Variants in DOCK4 observed in about 807,000 individuals in gnomAD.
DOCK4 encodes dedicator of cytokinesis protein 4.
A neutral mutation model predicts 268.1 loss-of-function variants in DOCK4; 97 were observed. The ratio of observed to expected loss-of-function variants is 0.36; its 90% confidence interval spans 0.31 to 0.43. DOCK4 has a LOEUF of 0.43. Among genes scored for constraint, DOCK4 ranks in the 20% least tolerant of loss-of-function variants. The pLI is 1.00. For missense variants in DOCK4, 2,145 were observed against 2,455.7 expected (o/e 0.87, Z 2.67); for synonymous variants, 954 against 887.2 (o/e 1.08, Z -1.34).
chr7:111,855,810 A>G (rs1804954578), intron 23 of DOCK4, among the ~76,000 whole-genome samples: 1 of 152,132 alleles, frequency 6.6e-6, no homozygotes, highest in Non-Finnish European at 1.5e-5. Flanking sequence ...CAGGGACTCT[A>G]TTGGTTCAAT....
At chr7:112,204,023 C>A (rs939471543) in intron 1 of DOCK4, among the ~76,000 whole-genome samples, 1 of 152,174 alleles carries the variant, frequency 6.6e-6, no homozygotes. Context: ...CGTCCTTCAT[C>A]TCATTCAACC....
intron 11 of DOCK4, among the ~76,000 whole-genome samples, chr7:111,938,352 AGTGG>A (rs1334780014): frequency 1.3e-5 from 2 of 152,232 alleles, no homozygotes; most frequent in African/African-American, 4.8e-5. Flanking sequence ...TCCCATAGGC[AGTGG>A]GCCACTTGTG....
intron 4 of DOCK4, among the ~76,000 whole-genome samples, chr7:111,998,195 T>C (rs1046124618): frequency 2.6e-5 from 4 of 152,186 alleles, no homozygotes; most frequent in African/African-American, 9.6e-5. Flanking sequence ...TGCTCAAGCA[T>C]AGGCTGATTC....
In DOCK4 at chr7:111,805,676, G is replaced by A. The variant is rs566332432; in HGVS notation, c.3166+3145C>T. Reference sequence around the variant, plus strand: ...TGTCTTTCCCCTCCGTGTCCTCAGTGGAATGGAAAAAAACAACATGTTTCT... The same window carrying A: ...TGTCTTTCCCCTCCGTGTCCTCAGTAGAATGGAAAAAAACAACATGTTTCT... On this transcript the variant is annotated intron_variant, in intron 30 of 52. Transcript: ENST00000428084. Among the ~76,000 whole-genome samples, 233 of 152,076 alleles carry A rather than the reference G, an allele frequency of 1.5e-3. 2 individuals carry two copies. Among genetic ancestry groups the A allele is most frequent in the African/African-American group, 5.1e-3 (212 of 41,498 alleles).
At chr7:111,969,456 A>T (rs1348955442) in intron 8 of DOCK4, among the ~76,000 whole-genome samples, 2 of 151,658 alleles carry the variant, frequency 1.3e-5, no homozygotes. Context: ...AAACAAAAAA[A>T]CAGTGATTTG....
intron 1 of DOCK4, among the ~76,000 whole-genome samples, chr7:112,127,574 AAC>A (rs1046222554): frequency 8.1e-4 from 124 of 152,238 alleles, no homozygotes; most frequent in African/African-American, 2.9e-3. Flanking sequence ...AATAAAAAAA[AAC>A]TTCTTTATTT....
intron 17 of DOCK4, among the ~76,000 whole-genome samples, chr7:111,876,598 A>G (rs975774306): frequency 4.6e-5 from 7 of 152,186 alleles, no homozygotes; most frequent in African/African-American, 1.7e-4. Context: ...ATTAATCATA[A>G]CTTGCTAAAC....
chr7:111,907,451 A>ACTC (rs1219716051), intron 13 of DOCK4, among the ~76,000 whole-genome samples: 3 of 118,178 alleles, frequency 2.5e-5, no homozygotes, highest in South Asian at 2.5e-4. Context: ...CGTTGGGGGA[A>ACTC]CTCCTATACT....
At chr7:111,828,453 C>T (rs960218699) in intron 26 of DOCK4, among the ~76,000 whole-genome samples, 3 of 152,166 alleles carry the variant, frequency 2.0e-5, no homozygotes, top group African/African-American at 7.2e-5. Context: ...TTTTAAAATT[C>T]ATTTTGATTT....
chr7:111,807,731 C>T (rs1162478908), intron 30 of DOCK4: 1 of 152,180 alleles, frequency 6.6e-6, no homozygotes, highest in Non-Finnish European at 1.5e-5. Context: ...CCGCTCCAGG[C>T]TCCCAAAGTG....
intron 1 of DOCK4, among the ~76,000 whole-genome samples, chr7:112,141,269 T>C (rs1814903862): frequency 6.6e-6 from 1 of 152,202 alleles, no homozygotes; most frequent in African/African-American, 2.4e-5. Context: ...AAGTGTACAG[T>C]TGCCACACAG....
intron 27 of DOCK4, among the ~76,000 whole-genome samples, chr7:111,815,523 T>C (rs1586070087): frequency 6.6e-6 from 1 of 152,206 alleles, no homozygotes; most frequent in East Asian, 1.9e-4. Context: ...ATATTGCAAA[T>C]CTCAGTGCTC....
intron 1 of DOCK4, among the ~76,000 whole-genome samples, chr7:112,071,366 C>CCTGG (rs1236096088): frequency 6.6e-6 from 1 of 152,022 alleles, no homozygotes; most frequent in Non-Finnish European, 1.5e-5. Context: ...TTCCACAGCA[C>CCTGG]CTGGCAGAGT....
At chr7:111,981,957 C>T (rs1262343762) in intron 7 of DOCK4, among the ~76,000 whole-genome samples, 1 of 152,166 alleles carries the variant, frequency 6.6e-6, no homozygotes, top group African/African-American at 2.4e-5. Flanking sequence ...TACATACGCA[C>T]AAAACCAAAC....
intron 13 of DOCK4, among the ~76,000 whole-genome samples, chr7:111,909,875 T>C (rs1791941405): frequency 6.6e-6 from 1 of 151,084 alleles, no homozygotes; most frequent in Non-Finnish European, 1.5e-5. Context: ...GGCAGGAGAA[T>C]CACTTGAGCC....
At chr7:112,174,821 GAT>G (rs1472605150) in intron 1 of DOCK4, among the ~76,000 whole-genome samples, 2 of 151,752 alleles carry the variant, frequency 1.3e-5, no homozygotes, top group East Asian at 3.9e-4. Context: ...ATTTTCACTA[GAT>G]GATGTTTTAT....
intron 1 of DOCK4, among the ~76,000 whole-genome samples, chr7:112,150,637 T>G (rs1319646799): frequency 1.3e-5 from 2 of 152,162 alleles, no homozygotes; most frequent in Non-Finnish European, 2.9e-5. Context: ...CTTCAACATC[T>G]GCTCAGCTCA....
chr7:112,027,535 G>A (rs1802913648), intron 1 of DOCK4, among the ~76,000 whole-genome samples: 1 of 152,152 alleles, frequency 6.6e-6, no homozygotes, highest in South Asian at 2.1e-4. Flanking sequence ...CTTTACTTAT[G>A]TTTTTAGTTA....
At chr7:111,868,853 C>CAAAAG (rs1806195788) in intron 21 of DOCK4, among the ~76,000 whole-genome samples, 1 of 152,048 alleles carries the variant, frequency 6.6e-6, no homozygotes, top group South Asian at 2.1e-4. Flanking sequence ...ACAGGTAGTA[C>CAAAAG]TCTTGCCACT....
Sources: gnomAD v4.1 joint callset for allele counts (sites outside exome capture counted in the v4.1 genomes callset) on GRCh38, gnomAD v4.1.1 for gene constraint, MANE v1.5 for transcripts, NCBI Gene and HGNC (gene_info 2026-07-23, HGNC 2026-07-21) for gene names.